Variants in ZBTB46 observed in about 807,000 individuals in gnomAD.
ZBTB46 encodes the protein zinc finger and BTB domain containing 46.
A neutral mutation model predicts 44.1 loss-of-function variants in ZBTB46; 8 were observed. The observed-to-expected ratio is 0.18, with a 90% CI of 0.11 to 0.33. ZBTB46 has a LOEUF of 0.33. Ranked by LOEUF, ZBTB46 falls within the 10% of genes least tolerant of loss-of-function variation. ZBTB46 has a pLI of 1.00. For synonymous variants in ZBTB46, 409 were observed against 382.3 expected (o/e 1.07, Z -0.81); for missense variants, 651 against 847.7 (o/e 0.77, Z 2.88).
chr20:63,750,726 G>A (rs975087053), intron 4 of ZBTB46, among the ~76,000 whole-genome samples: 3 of 152,112 alleles, frequency 2.0e-5, no homozygotes, highest in South Asian at 2.1e-4. Context: ...GCAACACAGC[G>A]AAATCCCATC....
chr20:63,790,380 C>G lies in ZBTB46; in HGVS notation c.378G>C (p.Lys126Asn), dbSNP rs1361357151. 6.2e-7 allele frequency: 1 copy of G among 1,613,110 alleles called. No individual in the cohort carries two copies. Among genetic ancestry groups the G allele is most frequent in the East Asian group, 2.2e-5 (1 of 44,892 alleles). The change falls in exon 2 of 5, where the codon AAG (lysine) becomes AAC (asparagine). Residue 126 changes from lysine to asparagine, a missense_variant. Lys to Asn is a moderately conservative substitution (Grantham distance 94, BLOSUM62 0). This residue lies in a region of ZBTB46 where 385 missense variants were observed against 423.3 expected (regional missense o/e 0.91). Transcript: ENST00000245663. ...ACTTGATGCTGATGTCCAGCGCCGC[C>G]TTGATGAAGTCGTGGCAGGCTTGCA... Reference protein sequence around the residue: ...DIVQACHDFIKAALDISIKSD... With the variant: ...DIVQACHDFINAALDISIKSD...
At chr20:63,768,309 G>A (rs2092337649) in intron 3 of ZBTB46, among the ~76,000 whole-genome samples, 1 of 152,212 alleles carries the variant, frequency 6.6e-6, no homozygotes, top group South Asian at 2.1e-4. Context: ...CTAGCACTTT[G>A]GGAGACCAAG....
chr20:63,805,019 C>A (rs2145999165), intron 1 of ZBTB46, among the ~76,000 whole-genome samples: 1 of 150,692 alleles, frequency 6.6e-6, no homozygotes, highest in South Asian at 2.1e-4. Context: ...CTCCCGGGTT[C>A]AATTGATTCT....
rs772964219 is a variant in ZBTB46, at chr20:63,752,909, G to A, written c.1223-48C>T. The stretch of plus-strand genomic sequence containing the variant: ...GCGTCAGCAGGGCTTGGGATGTACC[G>A]CCCTGCGGCCCACAGACCACGGCTG... On this transcript the variant is annotated intron_variant, in intron 3 of 4. Coordinates refer to ENST00000245663, the MANE Select transcript of ZBTB46 (RefSeq NM_001369741.1). This position sits in a 1 kb window ranked among gnomAD's most constrained non-coding sequence, Gnocchi z 5.6. 50 of 1,539,686 alleles carry A rather than the reference G, an allele frequency of 3.2e-5. No individual in the cohort carries two copies. Among genetic ancestry groups the A allele is most frequent in the Admixed American group, 2.2e-4 (12 of 55,044 alleles).
At chr20:63,815,718 GGGTGCAGGTGCAGTA>G (rs1303420730) in intron 1 of ZBTB46, among the ~76,000 whole-genome samples, 6 of 149,540 alleles carry the variant, frequency 4.0e-5, no homozygotes, top group African/African-American at 1.5e-4. Flanking sequence ...CAGGTCGAGT[GGGTGCAGGTGCAGTA>G]GGTGCAGGTG....
At chr20:63,750,400 T>G (rs1349977582) in intron 4 of ZBTB46, among the ~76,000 whole-genome samples, 5 of 151,684 alleles carry the variant, frequency 3.3e-5, no homozygotes, top group Non-Finnish European at 5.9e-5. Flanking sequence ...TGGCTAACTT[T>G]TTTTTTTTTT....
chr20:63,781,140 C>CAAAAAAAAAA (rs58102231), intron 2 of ZBTB46, among the ~76,000 whole-genome samples: 101 of 83,852 alleles, frequency 1.2e-3, no homozygotes, highest in Non-Finnish European at 1.3e-3. Flanking sequence ...GACTCTGCCT[C>CAAAAAAAAAA]AAAAAAAAAA....
Position 63,745,668 on chromosome 20 carries a change from T to A in ZBTB46, c.*1262A>T, listed in dbSNP as rs1329256301. The A allele has an allele frequency of 6.6e-6, 1 of 152,254 alleles. No individual in the cohort carries two copies. Among genetic ancestry groups the A allele is most frequent in the East Asian group, 1.9e-4 (1 of 5,238 alleles). 9.4% of individuals were successfully genotyped at this position (152,254 alleles called of 1,614,324 possible). A position where few individuals can be genotyped will look rare whatever the true frequency, so the allele number is the denominator to read the frequency against. On this transcript the variant is annotated 3_prime_UTR_variant, in exon 5 of 5. Coordinates refer to ENST00000245663, the MANE Select transcript of ZBTB46 (RefSeq NM_001369741.1). ...AGAGGAGGGGGTGAAGGATGGAATG[T>A]CCTCATGGTGAGTGCTGTCAGAGGC...
intron 2 of ZBTB46, chr20:63,788,065 C>T (rs2092530412): frequency 6.6e-6 from 1 of 152,374 alleles, no homozygotes; most frequent in African/African-American, 2.4e-5. Flanking sequence ...CAGGCTTCAT[C>T]CTGGAGGAAC....
chr20:63,752,091 T>G lies in ZBTB46; in HGVS notation c.1398+595A>C, dbSNP rs1272249106. Among the ~76,000 whole-genome samples, 1 of 151,860 alleles carries G rather than the reference T, an allele frequency of 6.6e-6. No individual in the cohort carries two copies. The highest frequency in any genetic ancestry group is 2.4e-5 in the African/African-American group (1 of 41,356). ...GGGCGTTCCAGGACTCCCCGAACCC[T>G]TGGGGCCGCCCCGCTCTGGGCTGCC... On this transcript the variant is annotated intron_variant, in intron 4 of 4. Transcript: ENST00000245663. This position sits in a 1 kb window ranked among gnomAD's most constrained non-coding sequence, Gnocchi z 5.6.
At chr20:63,770,721 A>C (rs2092362100) in intron 3 of ZBTB46, among the ~76,000 whole-genome samples, 2 of 152,160 alleles carry the variant, frequency 1.3e-5, no homozygotes, top group Admixed American at 1.3e-4. Context: ...ACCACGGCGC[A>C]TTCATGACGA....
intron 1 of ZBTB46, among the ~76,000 whole-genome samples, chr20:63,802,024 AC>A (rs1315333981): frequency 6.6e-6 from 1 of 151,276 alleles, no homozygotes; most frequent in Non-Finnish European, 1.5e-5. Flanking sequence ...TACGGGTTGA[AC>A]CCCCCGCCCC....
chr20:63,776,076 G>T, intron 2 of ZBTB46, 114 bp from the exon 3 acceptor site: 2 of 1,324,160 alleles, frequency 1.5e-6, no homozygotes, highest in Non-Finnish European at 1.0e-6. Flanking sequence ...CTACAGAGCA[G>T]CATCAAGTCC....
chr20:63,812,069 A>T (rs2092720664), intron 1 of ZBTB46, among the ~76,000 whole-genome samples: 2 of 152,106 alleles, frequency 1.3e-5, no homozygotes, highest in South Asian at 4.1e-4. Context: ...TCGGAACAAA[A>T]CTCTCACTAA....
intron 1 of ZBTB46, among the ~76,000 whole-genome samples, chr20:63,794,985 C>T (rs1377048937): frequency 6.6e-6 from 1 of 152,234 alleles, no homozygotes. Context: ...TCCCGATCCA[C>T]ACTGGGGCAC....
At chr20:63,826,685 G>A (rs1447556771) in intron 1 of ZBTB46, among the ~76,000 whole-genome samples, 4 of 152,134 alleles carry the variant, frequency 2.6e-5, no homozygotes, top group African/African-American at 7.2e-5. Context: ...ACATCGCGCC[G>A]CTGCACTCCA....
intron 3 of ZBTB46, among the ~76,000 whole-genome samples, chr20:63,772,939 G>A (rs886789499): frequency 4.6e-5 from 7 of 152,162 alleles, no homozygotes; most frequent in Non-Finnish European, 7.4e-5. Context: ...GCTCGCTTCC[G>A]GAAAGGAGGG....
At chr20:63,804,548 G>A (rs1601509170) in intron 1 of ZBTB46, among the ~76,000 whole-genome samples, 1 of 152,104 alleles carries the variant, frequency 6.6e-6, no homozygotes, top group South Asian at 2.1e-4. Context: ...TCAGCCCAGG[G>A]ACCACATCTC....
intron 1 of ZBTB46, among the ~76,000 whole-genome samples, chr20:63,826,683 C>A (rs911776563): frequency 6.6e-6 from 1 of 152,236 alleles, no homozygotes; most frequent in African/African-American, 2.4e-5. Context: ...CGACATCGCG[C>A]CGCTGCACTC....
Sources: gnomAD v4.1 joint callset for allele counts (sites outside exome capture counted in the v4.1 genomes callset) on GRCh38, gnomAD v4.1.1 for gene constraint, gnomAD v4.1.1 regional missense constraint, Gnocchi (gnomAD v3.1) non-coding constraint, MANE v1.5 for transcripts, NCBI Gene and HGNC (gene_info 2026-07-23, HGNC 2026-07-21) for gene names.